ERFL: variants seen among roughly 807,000 people sequenced by gnomAD.
ERFL encodes ETS repressor factor like, also known as ETS domain-containing transcription factor ERF-like.
A neutral mutation model predicts 27.9 loss-of-function variants in ERFL; 8 were observed. That is an observed-to-expected ratio of 0.29 (90% CI 0.17 to 0.52). The LOEUF (loss-of-function observed/expected upper bound fraction) is 0.52. Ranked by LOEUF, ERFL falls within the 20% of genes least tolerant of loss-of-function variation. The pLI is 0.97. For missense variants in ERFL, 294 were observed against 444.4 expected (o/e 0.66, Z 3.04); for synonymous variants, 174 against 202.8 (o/e 0.86, Z 1.21).
At chr19:41,920,157 CAT>C (rs2074832114) in intron 1 of ERFL, among the ~76,000 whole-genome samples, 1 of 115,090 alleles carries the variant, frequency 8.7e-6, no homozygotes, top group African/African-American at 4.6e-5. Flanking sequence ...CACGCCCAGA[CAT>C]GATGCACTCA....
At chr19:41,925,855 C>G (rs2074868079) in intron 1 of ERFL, among the ~76,000 whole-genome samples, 1 of 151,874 alleles carries the variant, frequency 6.6e-6, no homozygotes, top group South Asian at 2.1e-4. Flanking sequence ...TAAGGAGGTG[C>G]AACACTGTCA....
chr19:41,912,660 C>A (rs2074760178), intron 2 of ERFL, among the ~76,000 whole-genome samples, 193 bp downstream of exon 2: 1 of 152,224 alleles, frequency 6.6e-6, no homozygotes, highest in African/African-American at 2.4e-5. Context: ...ACGCAGGGGG[C>A]AGGGGAATCT....
In ERFL at chr19:41,914,647, CTTT is replaced by C. The variant is rs1568831957; in HGVS notation, c.-13-1718_-13-1716del. 1.5e-4 allele frequency among the ~76,000 whole-genome samples: 6 copies of C among 40,974 alleles called. 1 individual carries two copies. Among genetic ancestry groups the C allele is most frequent in the East Asian group, 9.0e-4 (1 of 1,106 alleles). 26.9% of individuals were successfully genotyped at this position (40,974 alleles called of 152,430 possible). ...CATCTCTGTCTCTGTCTCTCCCTCC[CTTT>C]CCACCATCTCTGTCTCTCCCTCCCC... is the stretch of plus-strand genomic sequence containing the variant. On this transcript the variant is annotated intron_variant, in intron 1 of 5. Transcript: ENST00000597630.
chr19:41,919,681 T>C (rs1208687388), intron 1 of ERFL, among the ~76,000 whole-genome samples: 1 of 151,982 alleles, frequency 6.6e-6, no homozygotes, highest in African/African-American at 2.4e-5. Flanking sequence ...GCTGCGTCCT[T>C]CACACCCACA....
chr19:41,924,193 C>T (rs1427948214), intron 1 of ERFL, among the ~76,000 whole-genome samples: 1 of 151,652 alleles, frequency 6.6e-6, no homozygotes, highest in Non-Finnish European at 1.5e-5. Context: ...ACCAAAGTCC[C>T]TAGGTGGATA....
Position 41,908,417 on chromosome 19 carries a change from G to A in ERFL, c.876C>T (p.Gly292=). The change falls in exon 6 of 6, where the codon GGC becomes GGT. Residue 292 remains glycine (G), a synonymous_variant. Transcript: ENST00000597630. The surrounding 1 kb of genome is among the most constrained non-coding windows in gnomAD (Gnocchi z 6.7). ...GEGLGPERPS[G]LAAAPRLALP... ...GCGCCAGGCGAGGGGCCGCTGCCAG[G>A]CCCGAGGGGCGCTCGGGGCCCAGGC... is the stretch of plus-strand genomic sequence containing the variant. 1.6e-6 allele frequency: 2 copies of A among 1,231,212 alleles called. No individual in the cohort carries two copies. The highest frequency in any genetic ancestry group is 1.6e-5 in the African/African-American group (1 of 64,500). 76.3% of individuals were successfully genotyped at this position (1,231,212 alleles called of 1,614,324 possible). A position where few individuals can be genotyped will look rare whatever the true frequency, so the allele number is the denominator to read the frequency against.
intron 1 of ERFL, among the ~76,000 whole-genome samples, chr19:41,919,836 G>A (rs139774049): frequency 1.3e-5 from 2 of 152,154 alleles, no homozygotes; most frequent in East Asian, 3.9e-4. Context: ...GCCACACCAT[G>A]TGAAAACACC....
chr19:41,918,203 C>T (rs946403721), intron 1 of ERFL, among the ~76,000 whole-genome samples: 24 of 151,910 alleles, frequency 1.6e-4, no homozygotes, highest in Non-Finnish European at 3.1e-4. Context: ...CACATGTATA[C>T]GCCACATATA....
chr19:41,918,911 C>T (rs2074820683), intron 1 of ERFL, among the ~76,000 whole-genome samples: 2 of 151,224 alleles, frequency 1.3e-5, no homozygotes, highest in African/African-American at 4.9e-5. Context: ...TACACACATA[C>T]ACCACACACA....
At position 41,909,850 on chromosome 19, in the gene ERFL, A is replaced by G; in HGVS notation, c.302+13T>C. 3.8e-6 allele frequency: 6 copies of G among 1,599,286 alleles called. No homozygotes were observed. The highest frequency in any genetic ancestry group is 5.1e-6 in the Non-Finnish European group (6 of 1,171,942). On this transcript the variant is annotated intron_variant, in intron 3 of 5. Transcript: ENST00000597630. This position sits in a 1 kb window ranked among gnomAD's most constrained non-coding sequence, Gnocchi z 5.2. ...AAGGACAAGGTGGGATCCAGCCCCA[A>G]GCCCTTCCTCACCGCAGGGCCCGGC...
chr19:41,915,236 G>A (rs1462730292), intron 1 of ERFL, among the ~76,000 whole-genome samples: 1 of 147,360 alleles, frequency 6.8e-6, no homozygotes, highest in Non-Finnish European at 1.5e-5. Flanking sequence ...ATAACGAGGA[G>A]CCGTGGGATC....
chr19:41,918,451 A>G (rs2074816171), intron 1 of ERFL, among the ~76,000 whole-genome samples: 1 of 145,524 alleles, frequency 6.9e-6, no homozygotes, highest in Admixed American at 6.8e-5. Context: ...TACACCACAC[A>G]TGCACCACCT....
rs753977979 is a variant in ERFL at position 41,916,157 on chromosome 19, C to A, written c.-13-3225G>T. Among the ~76,000 whole-genome samples the A allele has an allele frequency of 2.0e-5, 3 of 152,056 alleles. No homozygotes were observed. The highest frequency in any genetic ancestry group is 2.9e-5 in the Non-Finnish European group (2 of 67,994). On this transcript the variant is annotated intron_variant, in intron 1 of 5. Transcript: ENST00000597630. This position sits in a 1 kb window ranked among gnomAD's most constrained non-coding sequence, Gnocchi z 5.4. The stretch of plus-strand genomic sequence containing the variant: ...CCCTGCCAAGCACAACCACACAGAC[C>A]CACACACCAACCCAGGCACGCACAC...
intron 1 of ERFL, among the ~76,000 whole-genome samples, chr19:41,924,842 A>G (rs2074862355): frequency 6.6e-6 from 1 of 152,112 alleles, no homozygotes; most frequent in Non-Finnish European, 1.5e-5. Flanking sequence ...GTTTCTGGAG[A>G]GAAGCAGGTT....
At chr19:41,924,510 A>G (rs2074860255) in intron 1 of ERFL, among the ~76,000 whole-genome samples, 1 of 151,980 alleles carries the variant, frequency 6.6e-6, no homozygotes, top group Non-Finnish European at 1.5e-5. Context: ...TGTCATCACC[A>G]TCACCCTCAC....
Position 41,909,771 on chromosome 19 carries a change from A to C in ERFL, c.302+92T>G. The C allele has an allele frequency of 4.3e-6, 6 of 1,388,622 alleles. No individual in the cohort carries two copies. Among genetic ancestry groups the C allele is most frequent in the Non-Finnish European group, 5.8e-6 (6 of 1,032,740 alleles). 86.0% of individuals were successfully genotyped at this position (1,388,622 alleles called of 1,614,324 possible). ...CACAGCCCTGTGCCTTGTGGGATCC[A>C]GCAGGAACCTGCCCCAGGATGCAGA... On this transcript the variant is annotated intron_variant, in intron 3 of 5. Transcript: ENST00000597630. The surrounding 1 kb of genome is among the most constrained non-coding windows in gnomAD (Gnocchi z 5.2).
intron 1 of ERFL, among the ~76,000 whole-genome samples, chr19:41,913,705 A>C (rs1599673264): frequency 9.5e-5 from 10 of 105,786 alleles, no homozygotes; most frequent in African/African-American, 1.9e-4. Context: ...TCCCTCAGAC[A>C]CTCCCTCTCC....
rs781949576 is a variant in ERFL at position 41,921,604 on chromosome 19, C to T, written c.-14+6436G>A. Among the ~76,000 whole-genome samples the T allele has an allele frequency of 2.8e-4, 43 of 151,862 alleles. No homozygotes were observed. The highest frequency in any genetic ancestry group is 1.6e-3 in the Admixed American group (24 of 15,250). On this transcript the variant is annotated intron_variant, in intron 1 of 5. Transcript: ENST00000597630. The surrounding 1 kb of genome is among the most constrained non-coding windows in gnomAD (Gnocchi z 4.4). ...AAGTAGATTAGAAAGCTGGAGGTCACGGGAGAGCGAGGGCCGCACCGGAGA... is the reference window on the plus strand; with the variant it reads ...AAGTAGATTAGAAAGCTGGAGGTCATGGGAGAGCGAGGGCCGCACCGGAGA...
chr19:41,919,863 C>T (rs782196135), intron 1 of ERFL, among the ~76,000 whole-genome samples: 5 of 152,134 alleles, frequency 3.3e-5, no homozygotes, highest in Non-Finnish European at 5.9e-5. Flanking sequence ...GGCACAACTC[C>T]AGAGCTTTGG....
Sources: allele counts gnomAD v4.1 joint callset (sites outside exome capture counted in the v4.1 genomes callset), GRCh38; gene constraint gnomAD v4.1.1; non-coding constraint Gnocchi (gnomAD v3.1); transcripts MANE v1.5; gene names NCBI Gene and HGNC (gene_info 2026-07-23, HGNC 2026-07-21).